The following C17orf78 variants were observed in gnomAD, a reference collection of about 807,000 sequenced individuals.
C17orf78 encodes the protein uncharacterized protein C17orf78.
C17orf78 carries 27 observed loss-of-function variants against 31.8 expected under a neutral mutation model. The observed-to-expected ratio is 0.85, with a 90% CI of 0.63 to 1.17. The LOEUF is 1.17. Ranked by LOEUF, C17orf78 falls within the 50% of genes most tolerant of loss-of-function variation. The pLI, the probability that C17orf78 is intolerant of heterozygous loss-of-function variation, is 0.00. For synonymous variants in C17orf78, 106 were observed against 115.1 expected (o/e 0.92, Z 0.51); for missense variants, 258 against 315.2 (o/e 0.82, Z 1.37).
chr17:37,384,569 A>G (rs952789332), intron 3 of C17orf78, among the ~76,000 whole-genome samples: 4 of 152,228 alleles, frequency 2.6e-5, no homozygotes, highest in African/African-American at 9.6e-5. Context: ...GATTAAAAAA[A>G]AAAACACAGA....
chr17:37,388,027 T>A (rs886639209), intron 4 of C17orf78: 3 of 152,050 alleles, frequency 2.0e-5, no homozygotes, highest in African/African-American at 7.2e-5. Context: ...TAGCCGGGCA[T>A]GGTGGCGTTC....
chr17:37,382,831 G>A (rs2050361420), intron 3 of C17orf78, among the ~76,000 whole-genome samples: 1 of 152,190 alleles, frequency 6.6e-6, no homozygotes, highest in African/African-American at 2.4e-5. Context: ...CTGCACTCCA[G>A]CCTGGCGACA....
chr17:37,379,508 G>GT (rs1310791274), intron 3 of C17orf78, 126 bp downstream of exon 3: 109 of 1,273,792 alleles, frequency 8.6e-5, no homozygotes, highest in Admixed American at 1.4e-4. Context: ...GGGGTTGTTT[G>GT]TTTTTTTTCT....
Position 37,390,332 on chromosome 17 carries a change from A to ATATATG in C17orf78, c.750+972_750+973insTATGTA, listed in dbSNP as rs2050821607. Among the ~76,000 whole-genome samples, 3 of 91,146 alleles carry ATATATG rather than the reference A, an allele frequency of 3.3e-5. No individual in the cohort carries two copies. In the South Asian group the frequency reaches 9.5e-4, roughly 29 times the overall value. The allele number at this position is 91,146 out of a possible 152,430, so 59.8% of individuals were successfully genotyped here. A position where few individuals can be genotyped will look rare whatever the true frequency, so the allele number is the denominator to read the frequency against. ...TATATATATATATATATATATATAT[A>ATATATG]TAAAAGGCCAGCTGGGCCGGGCACG... On this transcript the variant is annotated intron_variant, in intron 6 of 6. Transcript: ENST00000615133.
chr17:37,382,636 C>T (rs573414985), intron 3 of C17orf78, among the ~76,000 whole-genome samples: 11 of 152,124 alleles, frequency 7.2e-5, no homozygotes, highest in Admixed American at 2.6e-4. Context: ...CCGAGGCAGG[C>T]GGATCATGAG....
At chr17:37,381,011 C>T (rs1460400975) in intron 3 of C17orf78, among the ~76,000 whole-genome samples, 1 of 151,908 alleles carries the variant, frequency 6.6e-6, no homozygotes, top group Non-Finnish European at 1.5e-5. Context: ...TTCTCCAGTT[C>T]TCTATCCCTG....
At chr17:37,378,359 G>A (rs772420598) in intron 2 of C17orf78, among the ~76,000 whole-genome samples, 3 of 152,230 alleles carry the variant, frequency 2.0e-5, no homozygotes, top group Non-Finnish European at 2.9e-5. Context: ...AGAAAGTACA[G>A]CAGTGGAGTT....
intron 5 of C17orf78, 98 bp from the exon 6 acceptor site, chr17:37,389,148 A>G: frequency 7.1e-7 from 1 of 1,411,742 alleles, no homozygotes; most frequent in Non-Finnish European, 9.6e-7. Context: ...TTTATTTAGA[A>G]GAGATGGCTT....
At chr17:37,381,572 G>A (rs539264183) in intron 3 of C17orf78, among the ~76,000 whole-genome samples, 2 of 149,452 alleles carry the variant, frequency 1.3e-5, no homozygotes, top group Admixed American at 6.7e-5. Context: ...TTTTATATTT[G>A]CCTCATTCTT....
intron 6 of C17orf78, among the ~76,000 whole-genome samples, chr17:37,390,902 T>C (rs1426912672): frequency 1.3e-5 from 2 of 152,052 alleles, no homozygotes; most frequent in Non-Finnish European, 2.9e-5. Context: ...TAGCTGCAAC[T>C]GTGATTGAAC....
Position 37,391,678 on chromosome 17 carries a change from C to A in C17orf78, c.782C>A (p.Pro261Gln), listed in dbSNP as rs762795312. 6 of 1,613,776 alleles carry A rather than the reference C, an allele frequency of 3.7e-6. No individual in the cohort carries two copies. The African/African-American group carries it at 6.7e-5, about 18-fold the overall frequency. ...VGQDAANSSN[P>Q]KKAAEITVIH... ...CAAGATGCTGCCAATTCATCAAACC[C>A]AAAGAAAGCTGCAGAGATCACTGTT... The change falls in exon 7 of 7, where the codon CCA becomes CAA. Residue 261 changes from proline (P) to glutamine (Q), a missense_variant. Pro to Gln is a moderately conservative substitution (Grantham distance 76). Coordinates refer to ENST00000615133, the MANE Select transcript of C17orf78 (RefSeq NM_173625.5).
At chr17:37,389,459 GGCT>G (rs1411771960) in intron 6 of C17orf78, 97 bp downstream of exon 6, 49 of 1,458,426 alleles carry the variant, frequency 3.4e-5, no homozygotes, top group Non-Finnish European at 4.0e-5. Context: ...CACTTTGAGA[GGCT>G]GAGGCAGGTG....
At chr17:37,378,327 T>C (rs1210950351) in intron 2 of C17orf78, among the ~76,000 whole-genome samples, 3 of 152,128 alleles carry the variant, frequency 2.0e-5, no homozygotes, top group Non-Finnish European at 4.4e-5. Flanking sequence ...GAACACAAAC[T>C]GAAGAAGTTA....
intron 6 of C17orf78, among the ~76,000 whole-genome samples, chr17:37,390,327 T>TAG: frequency 1.3e-5 from 1 of 77,058 alleles, no homozygotes; most frequent in African/African-American, 6.0e-5. Context: ...TATATATATA[T>TAG]ATATATAAAA....
In C17orf78 at chr17:37,376,040, G is replaced by A. The variant is rs2049987350; in HGVS notation, c.-53G>A. The A allele has an allele frequency of 8.7e-6, 13 of 1,489,684 alleles. No homozygotes were observed. The highest frequency in any genetic ancestry group is 1.2e-5 in the Non-Finnish European group (13 of 1,067,534). The allele number at this position is 1,489,684 out of a possible 1,614,324, so 92.3% of individuals were successfully genotyped here. A position where few individuals can be genotyped will look rare whatever the true frequency, so the allele number is the denominator to read the frequency against. ...GCAACTAGAGGCAGAGCTATCAAGG[G>A]CTGTGACAGATGAGCAGTGGTCTGT... On this transcript the variant is annotated 5_prime_UTR_variant, in exon 1 of 7. Transcript: ENST00000615133.
intron 3 of C17orf78, among the ~76,000 whole-genome samples, chr17:37,383,726 T>C (rs1237649016): frequency 6.6e-6 from 1 of 152,134 alleles, no homozygotes; most frequent in Non-Finnish European, 1.5e-5. Flanking sequence ...GTATTTTTAG[T>C]AGAGATAGGG....
At position 37,381,912 on chromosome 17, in the gene C17orf78, C is replaced by T. The variant is rs564391693; in HGVS notation, c.391+2530C>T. Among the ~76,000 whole-genome samples the T allele has an allele frequency of 7.9e-5, 12 of 152,322 alleles. No homozygotes were observed. In the South Asian group the frequency reaches 1.7e-3, roughly 21 times the overall value. ...AAAGTGCTGGGATTACAGGCGTGAG[C>T]CACTGCACCCGGCCATGTCTCTTCT... On this transcript the variant is annotated intron_variant, in intron 3 of 6. Transcript: ENST00000615133.
intron 3 of C17orf78, among the ~76,000 whole-genome samples, chr17:37,382,328 C>T (rs372968731): frequency 3.0e-4 from 46 of 151,928 alleles, no homozygotes; most frequent in African/African-American, 1.1e-3. Context: ...CCCTCCTTTC[C>T]TTTTCTCACC....
chr17:37,389,377 T>G lies in C17orf78; in HGVS notation c.750+15T>G. ...AGCCCCAGAAGGAAAGTGTTCTCTG[T>G]GTGGTTTATGTCATTTGCTTAAAGA... On this transcript the variant is annotated intron_variant, in intron 6 of 6. Coordinates refer to ENST00000615133, the MANE Select transcript of C17orf78 (RefSeq NM_173625.5). 1 of 1,562,708 alleles carries G rather than the reference T, an allele frequency of 6.4e-7. No homozygotes were observed. The highest frequency in any genetic ancestry group is 1.2e-5 in the South Asian group (1 of 84,672).
Sources: allele counts gnomAD v4.1 joint callset (sites outside exome capture counted in the v4.1 genomes callset), GRCh38; gene constraint gnomAD v4.1.1; transcripts MANE v1.5; gene names NCBI Gene and HGNC (gene_info 2026-07-23, HGNC 2026-07-21).